Variants in EYS observed in about 807,000 individuals in gnomAD.
EYS encodes the protein protein eyes shut homolog.
EYS carries 250 observed loss-of-function variants against 282.1 expected under a neutral mutation model. That is an observed-to-expected ratio of 0.89 (90% confidence interval 0.80 to 0.98). The LOEUF (loss-of-function observed/expected upper bound fraction) is 0.98, where lower values mean the gene tolerates loss of function less well. EYS is among the 50% of genes least tolerant of loss of function. The pLI is 0.00. For synonymous variants in EYS, 1,355 were observed against 1,282.9 expected, an observed-to-expected ratio of 1.06 and a Z score of -1.20; for missense variants, 4,016 against 3,709.0, an observed-to-expected ratio of 1.08 and a Z score of -2.15.
At chr6:64,202,357 T>A (rs1045126333) in intron 31 of EYS, among the ~76,000 whole-genome samples, 9 of 152,170 alleles carry the variant, frequency 5.9e-5, no homozygotes, top group African/African-American at 2.4e-5. Context: ...TCTCTCTCCT[T>A]AGACTCTACC....
At chr6:64,705,858 A>C in intron 22 of EYS, among the ~76,000 whole-genome samples, 1 of 126,566 alleles carries the variant, frequency 7.9e-6, no homozygotes, top group Admixed American at 8.3e-5. Flanking sequence ...GGGGGGAGGG[A>C]TAGCATTGGG....
At chr6:64,680,571 C>T (rs1331545066) in intron 22 of EYS, among the ~76,000 whole-genome samples, 1 of 152,160 alleles carries the variant, frequency 6.6e-6, no homozygotes, top group African/African-American at 2.4e-5. Context: ...GAAAGGCCAC[C>T]AGCATTTATC....
At position 65,410,593 on chromosome 6, in the gene EYS, A is replaced by T. The variant is rs140497895; in HGVS notation, c.863-5226T>A. Among the ~76,000 whole-genome samples the T allele has an allele frequency of 5.8e-4, 83 of 143,082 alleles. No individual in the cohort carries two copies. In the East Asian group the frequency reaches 0.012, roughly 20 times the overall value. 93.9% of individuals were successfully genotyped at this position (143,082 alleles called of 152,430 possible). On this transcript the variant is annotated intron_variant, in intron 5 of 42. Transcript: ENST00000503581. ...GTAACCACTGTCCTACTTCTATGAT[A>T]CTAGCTTTTTTTTTTTTTTTTTAGA...
chr6:64,977,012 C>T (rs747278410), intron 14 of EYS, among the ~76,000 whole-genome samples: 7 of 151,914 alleles, frequency 4.6e-5, no homozygotes, highest in Non-Finnish European at 7.4e-5. Flanking sequence ...CCTGTCTCAG[C>T]CTCCCTAGTA....
chr6:64,941,768 T>C (rs1031680576), intron 15 of EYS, among the ~76,000 whole-genome samples: 2 of 152,114 alleles, frequency 1.3e-5, no homozygotes, highest in Admixed American at 1.3e-4. Context: ...GCTACATCCA[T>C]GTTGCTGCAA....
chr6:64,333,246 C>A (rs1770708690), intron 29 of EYS, among the ~76,000 whole-genome samples: 1 of 152,048 alleles, frequency 6.6e-6, no homozygotes, highest in Admixed American at 6.6e-5. Context: ...TATACAAACC[C>A]CACAGAAACT....
At chr6:64,417,693 C>G in intron 28 of EYS, among the ~76,000 whole-genome samples, 1 of 84,970 alleles carries the variant, frequency 1.2e-5, no homozygotes. Context: ...TTTTTTTTGA[C>G]AGCGTCTCAC....
chr6:65,229,589 G>T (rs1276060528), intron 12 of EYS, among the ~76,000 whole-genome samples: 1 of 151,932 alleles, frequency 6.6e-6, no homozygotes, highest in East Asian at 1.9e-4. Flanking sequence ...TCTAATGTAA[G>T]AGAAGACAAG....
chr6:65,612,695 A>C (rs1034306448), intron 2 of EYS, among the ~76,000 whole-genome samples: 5 of 151,730 alleles, frequency 3.3e-5, no homozygotes, highest in Non-Finnish European at 5.9e-5. Flanking sequence ...CTACAGTATT[A>C]ATCATAGAAG....
chr6:65,006,457 A>T (rs1197753022), intron 13 of EYS, among the ~76,000 whole-genome samples: 2 of 143,282 alleles, frequency 1.4e-5, no homozygotes, highest in East Asian at 2.0e-4. Context: ...CTTTTAGAGG[A>T]AACCTCGTTG....
chr6:64,814,593 C>A (rs1364879940), intron 21 of EYS, among the ~76,000 whole-genome samples: 3 of 151,972 alleles, frequency 2.0e-5, no homozygotes, highest in African/African-American at 7.2e-5. Context: ...TATATATATA[C>A]TTACAGTGTG....
intron 26 of EYS, among the ~76,000 whole-genome samples, chr6:64,463,007 G>A (rs990890522): frequency 1.4e-5 from 2 of 146,852 alleles, no homozygotes; most frequent in African/African-American, 2.6e-5. Context: ...GTGCAGTGGC[G>A]AGATCTCGGG....
At chr6:65,200,140 G>C (rs1249247480) in intron 12 of EYS, among the ~76,000 whole-genome samples, 1 of 152,166 alleles carries the variant, frequency 6.6e-6, no homozygotes, top group Non-Finnish European at 1.5e-5. Flanking sequence ...CTTCCTAAGT[G>C]AATGTTTTGA....
intron 26 of EYS, among the ~76,000 whole-genome samples, chr6:64,490,687 CAGACG>C (rs1294466860): frequency 6.6e-6 from 1 of 150,688 alleles, no homozygotes; most frequent in Non-Finnish European, 1.5e-5. Flanking sequence ...AGTAACTAGA[CAGACG>C]AAAGATTCAT....
rs143199683 is a variant in EYS at position 64,138,312 on chromosome 6, C to T, written c.6425-56310G>A. The stretch of plus-strand genomic sequence containing the variant: ...TTCTGGTATACCTATTTTATGAAGA[C>T]GGAAAAATCTTGGGCATTTGTGAAG... On this transcript the variant is annotated intron_variant, in intron 31 of 42. Transcript: ENST00000503581. 7.3e-3 allele frequency among the ~76,000 whole-genome samples: 1,115 copies of T among 151,906 alleles called. 25 individuals carry two copies. The highest frequency in any genetic ancestry group is 0.025 in the African/African-American group (1,023 of 41,412).
intron 26 of EYS, among the ~76,000 whole-genome samples, chr6:64,451,333 C>T (rs1464806258): frequency 6.6e-6 from 1 of 152,166 alleles, no homozygotes; most frequent in Non-Finnish European, 1.5e-5. Context: ...TCTGAATAGA[C>T]CAATAACAGG....
chr6:65,468,544 C>T (rs1358110402), intron 5 of EYS, among the ~76,000 whole-genome samples: 2 of 151,692 alleles, frequency 1.3e-5, no homozygotes, highest in African/African-American at 4.8e-5. Context: ...GTTGCATGGC[C>T]CTATTTTGCA....
At chr6:64,345,555 A>G (rs1350858792) in intron 29 of EYS, among the ~76,000 whole-genome samples, 1 of 152,128 alleles carries the variant, frequency 6.6e-6, no homozygotes, top group Non-Finnish European at 1.5e-5. Flanking sequence ...TTAATTCAAG[A>G]TGGATTAAAG....
intron 22 of EYS, among the ~76,000 whole-genome samples, chr6:64,632,570 A>G (rs1433912388): frequency 2.0e-5 from 3 of 152,262 alleles, no homozygotes; most frequent in Admixed American, 6.5e-5. Flanking sequence ...CTGTGTCCTG[A>G]CCTCTTCTCT....
Sources: allele counts gnomAD v4.1 joint callset (sites outside exome capture counted in the v4.1 genomes callset), GRCh38; gene constraint gnomAD v4.1.1; transcripts MANE v1.5; gene names NCBI Gene and HGNC (gene_info 2026-07-23, HGNC 2026-07-21).